Variants in SPTB observed in about 807,000 individuals in gnomAD.
The protein encoded by SPTB is spectrin beta, erythrocytic.
SPTB carries 45 observed loss-of-function variants against 256.2 expected under a neutral mutation model. That is an observed-to-expected ratio of 0.18 (90% CI 0.14 to 0.23). SPTB has a LOEUF of 0.23. Among genes scored for constraint, SPTB ranks in the 10% least tolerant of loss-of-function variants. The pLI, the probability that SPTB is intolerant of heterozygous loss-of-function variation, is 1.00. For synonymous variants in SPTB, 1,231 were observed against 1,243.1 expected, an observed-to-expected ratio of 0.99 and a Z score of 0.21; for missense variants, 2,715 against 3,040.4, an observed-to-expected ratio of 0.89 and a Z score of 2.52.
rs2082051963 is a variant in SPTB at position 64,758,747 on chromosome 14, G to A, written c.6346-4954C>T. Among the ~76,000 whole-genome samples, 1 of 152,236 alleles carries A rather than the reference G, an allele frequency of 6.6e-6. No individual in the cohort carries two copies. Among genetic ancestry groups the A allele is most frequent in the African/African-American group, 2.4e-5 (1 of 41,462 alleles). The stretch of plus-strand genomic sequence containing the variant: ...ACAAACAGCAGAGAGCAAGCTGGAG[G>A]GATGGCCAGATGCTGCTGGCAGGCT... On this transcript the variant is annotated intron_variant, in intron 32 of 35. Transcript: ENST00000644917. The surrounding 1 kb of genome is among the most constrained non-coding windows in gnomAD (Gnocchi z 4.6).
chr14:64,792,733 C>T lies in SPTB; in HGVS notation c.2666+264G>A, dbSNP rs1226006920. Among the ~76,000 whole-genome samples the T allele has an allele frequency of 6.6e-6, 1 of 152,200 alleles. No homozygotes were observed. Among genetic ancestry groups the T allele is most frequent in the Non-Finnish European group, 1.5e-5 (1 of 68,042 alleles). On this transcript the variant is annotated intron_variant, in intron 14 of 35. Coordinates refer to ENST00000644917, the MANE Select transcript of SPTB (RefSeq NM_001355436.2). This position sits in a 1 kb window ranked among gnomAD's most constrained non-coding sequence, Gnocchi z 4.2. The stretch of plus-strand genomic sequence containing the variant: ...CATACACAATTCATCTGAGCAAAGA[C>T]TGCTATTGCTGAAAAGTAATTGAAT...
intron 1 of SPTB, among the ~76,000 whole-genome samples, chr14:64,859,404 C>T (rs989308480): frequency 1.2e-4 from 19 of 152,190 alleles, no homozygotes; most frequent in African/African-American, 2.9e-4. Flanking sequence ...AGTTAAACAA[C>T]GTAAGCTGTT....
chr14:64,749,741 G>C lies in SPTB; in HGVS notation c.6777-45C>G. ...CCTGTCATGGAGACACCTCTGGAGG[G>C]GGCGCTGGGCAGAGGGCTGGCTCTG... On this transcript the variant is annotated intron_variant, in intron 34 of 35. Transcript: ENST00000644917. This position sits in a 1 kb window ranked among gnomAD's most constrained non-coding sequence, Gnocchi z 4.7. The C allele has an allele frequency of 6.2e-7, 1 of 1,605,368 alleles. No individual in the cohort carries two copies. The highest frequency in any genetic ancestry group is 1.1e-5 in the South Asian group (1 of 90,014).
At chr14:64,857,016 C>A (rs2083884879) in intron 1 of SPTB, among the ~76,000 whole-genome samples, 1 of 152,146 alleles carries the variant, frequency 6.6e-6, no homozygotes. Flanking sequence ...TCCTGTGAAA[C>A]CCTTTGAGGG....
chr14:64,756,886 C>T (rs2082023925), intron 32 of SPTB: 1 of 152,216 alleles, frequency 6.6e-6, no homozygotes, highest in African/African-American at 2.4e-5. Context: ...TGCAATGAGC[C>T]AGCATTGGCC....
At position 64,877,645 on chromosome 14, in the gene SPTB, G is replaced by C. The variant is rs367741355; in HGVS notation, c.-52+2147C>G. On this transcript the variant is annotated intron_variant, in intron 1 of 35. Coordinates refer to ENST00000644917, the MANE Select transcript of SPTB (RefSeq NM_001355436.2). ...ATTCATTCAACAAAGGTTAACTGAG[G>C]TTCCACTACCATCCAGGTACTGGGT... Among the ~76,000 whole-genome samples the C allele has an allele frequency of 7.8e-4, 119 of 152,274 alleles. 3 individuals are homozygous for C. In the South Asian group the frequency reaches 0.019, roughly 25 times the overall value.
intron 24 of SPTB, 92 bp from the exon 25 acceptor site, chr14:64,773,516 C>A: frequency 7.5e-7 from 1 of 1,333,430 alleles, no homozygotes; most frequent in Non-Finnish European, 1.1e-6. Flanking sequence ...ACCACAGCCC[C>A]CTGGCAGGGA....
At chr14:64,822,403 G>GCA (rs2083308850) in intron 2 of SPTB, among the ~76,000 whole-genome samples, 44 of 32,574 alleles carry the variant, frequency 1.4e-3, no homozygotes, top group Admixed American at 2.5e-3. Context: ...CACACACACA[G>GCA]AGAGATCTAT....
Position 64,825,464 on chromosome 14 carries a change from C to T in SPTB, c.-51-2319G>A, listed in dbSNP as rs1038797743. ...AAGATACCCCCCACCCCCGGCCCCA[C>T]ACCTTTCTCTATTTCCCTTAAGGGA... is the stretch of plus-strand genomic sequence containing the variant. On this transcript the variant is annotated intron_variant, in intron 1 of 35. Transcript: ENST00000644917. The surrounding 1 kb of genome is among the most constrained non-coding windows in gnomAD (Gnocchi z 4.8). Among the ~76,000 whole-genome samples the T allele has an allele frequency of 6.7e-6, 1 of 150,090 alleles. No homozygotes were observed. The highest frequency in any genetic ancestry group is 2.4e-5 in the African/African-American group (1 of 41,130).
chr14:64,795,290 C>A lies in SPTB; in HGVS notation c.1644+47G>T. On this transcript the variant is annotated intron_variant, in intron 12 of 35. Transcript: ENST00000644917. This position sits in a 1 kb window ranked among gnomAD's most constrained non-coding sequence, Gnocchi z 6.5. Reference sequence around the variant, plus strand: ...TGCTAACTGCAGGGCCACTGAGACCCAAGGTGAGCACTGCAGGGCATGGCG... The same window carrying A: ...TGCTAACTGCAGGGCCACTGAGACCAAAGGTGAGCACTGCAGGGCATGGCG... 6.3e-7 allele frequency: 1 copy of A among 1,599,516 alleles called. No individual in the cohort carries two copies. Among genetic ancestry groups the A allele is most frequent in the Non-Finnish European group, 8.5e-7 (1 of 1,178,016 alleles).
At chr14:64,799,598 G>A (rs963373656) in intron 9 of SPTB, 149 bp downstream of exon 9, 13 of 930,474 alleles carry the variant, frequency 1.4e-5, no homozygotes, top group African/African-American at 3.3e-5. Flanking sequence ...GGTGAAGAGG[G>A]GCACAAGGCA....
chr14:64,872,790 T>C (rs935159203), intron 1 of SPTB, among the ~76,000 whole-genome samples: 1 of 152,216 alleles, frequency 6.6e-6, no homozygotes, highest in Non-Finnish European at 1.5e-5. Context: ...TTTCCTGTGC[T>C]GTTCTCGTGA....
In SPTB at chr14:64,749,131, C is replaced by A; in HGVS notation, c.*175G>T. ...GCGGGCGAGGGCATGGAGGGGGCGT[C>A]GGCCCAGGACACGCGGGCGAAGGCA... On this transcript the variant is annotated 3_prime_UTR_variant, in exon 36 of 36. Coordinates refer to ENST00000644917, the MANE Select transcript of SPTB (RefSeq NM_001355436.2). This position sits in a 1 kb window ranked among gnomAD's most constrained non-coding sequence, Gnocchi z 4.7. 1.5e-6 allele frequency: 1 copy of A among 666,464 alleles called. No homozygotes were observed. The highest frequency in any genetic ancestry group is 4.5e-4 in the Middle Eastern group (1 of 2,214). 41.3% of individuals were successfully genotyped at this position (666,464 alleles called of 1,614,324 possible). A position where few individuals can be genotyped will look rare whatever the true frequency, so the allele number is the denominator to read the frequency against.
chr14:64,829,522 T>C lies in SPTB; in HGVS notation c.-51-6377A>G, dbSNP rs908441705. ...AATTGTGTTAGATGTGATCATGGCATTATGGTTATGTAAGAAAATGAATTT... is the reference window on the plus strand; with the variant it reads ...AATTGTGTTAGATGTGATCATGGCACTATGGTTATGTAAGAAAATGAATTT... On this transcript the variant is annotated intron_variant, in intron 1 of 35. Transcript: ENST00000644917. 4.6e-5 allele frequency among the ~76,000 whole-genome samples: 7 copies of C among 152,294 alleles called. No homozygotes were observed. In the East Asian group the frequency reaches 1.4e-3, roughly 29 times the overall value.
Position 64,792,803 on chromosome 14 carries a change from C to G in SPTB, c.2666+194G>C, listed in dbSNP as rs529418554. Among the ~76,000 whole-genome samples the G allele has an allele frequency of 5.9e-5, 9 of 152,282 alleles. No individual in the cohort carries two copies. In the East Asian group the frequency reaches 1.7e-3, roughly 29 times the overall value. ...CCTTTGTTTGAGGAACACAAGGCCCCAAAGGGTGAAGTACCCCAGGCCACA... is the reference window on the plus strand; with the variant it reads ...CCTTTGTTTGAGGAACACAAGGCCCGAAAGGGTGAAGTACCCCAGGCCACA... On this transcript the variant is annotated intron_variant, in intron 14 of 35. Transcript: ENST00000644917. This position sits in a 1 kb window ranked among gnomAD's most constrained non-coding sequence, Gnocchi z 4.2.
intron 2 of SPTB, among the ~76,000 whole-genome samples, chr14:64,820,313 TGCTCCCTTTCTCCATTCTGCCTACC>T (rs1364156292): frequency 6.6e-6 from 1 of 152,188 alleles, no homozygotes; most frequent in Non-Finnish European, 1.5e-5. Flanking sequence ...AAGGCTGACA[TGCTCCCTTTCTCCATTCTGCCTACC>T]CAGCAGAATG....
At chr14:64,851,028 C>A (rs1406754451) in intron 1 of SPTB, among the ~76,000 whole-genome samples, 2 of 152,328 alleles carry the variant, frequency 1.3e-5, no homozygotes, top group South Asian at 2.1e-4. Context: ...CAGGTAACAG[C>A]CCAGATTATA....
chr14:64,754,128 G>A (rs1309644845), intron 32 of SPTB: 2 of 434,126 alleles, frequency 4.6e-6, no homozygotes, highest in Non-Finnish European at 8.6e-6. Context: ...AGGGGTGTGA[G>A]GGGGGGCAGG....
intron 1 of SPTB, among the ~76,000 whole-genome samples, chr14:64,859,720 CTATATATATA>C (rs754269849): frequency 0.064 from 1,136 of 17,864 alleles, 11 homozygotes; most frequent in African/African-American, 0.12. Flanking sequence ...CTCTCTCTCT[CTATATATATA>C]TATATATGCA....
Sources: gnomAD v4.1 joint callset for allele counts (sites outside exome capture counted in the v4.1 genomes callset) on GRCh38, gnomAD v4.1.1 for gene constraint, Gnocchi (gnomAD v3.1) non-coding constraint, MANE v1.5 for transcripts, NCBI Gene and HGNC (gene_info 2026-07-23, HGNC 2026-07-21) for gene names.